The following FMN1 variants were observed in gnomAD, a reference collection of about 807,000 sequenced individuals.
FMN1 encodes the protein formin-1.
A neutral mutation model predicts 132.4 loss-of-function variants in FMN1; 110 were observed. The ratio of observed to expected loss-of-function variants is 0.83; its 90% CI spans 0.71 to 0.97. The LOEUF (loss-of-function observed/expected upper bound fraction) is 0.97. Ranked by LOEUF, FMN1 falls within the 50% of genes least tolerant of loss-of-function variation. The pLI, the probability that FMN1 is intolerant of heterozygous loss-of-function variation, is 0.00. For synonymous variants in FMN1, 722 were observed against 651.7 expected (o/e 1.11, Z -1.64); for missense variants, 1,792 against 1,705.3 (o/e 1.05, Z -0.90).
intron 13 of FMN1, among the ~76,000 whole-genome samples, chr15:32,901,111 G>A (rs1242049654): frequency 1.3e-5 from 2 of 151,990 alleles, no homozygotes; most frequent in African/African-American, 2.4e-5. Context: ...CCGAGATCAC[G>A]CTACTGCACT....
At chr15:33,011,425 G>A (rs1223951844) in intron 6 of FMN1, among the ~76,000 whole-genome samples, 1 of 151,902 alleles carries the variant, frequency 6.6e-6, no homozygotes, top group Non-Finnish European at 1.5e-5. Context: ...AGTCAATTAA[G>A]TGCTAAACTG....
chr15:33,007,915 A>T, intron 7 of FMN1, 99 bp downstream of exon 7: 2 of 988,398 alleles, frequency 2.0e-6, no homozygotes, highest in Non-Finnish European at 1.5e-6. Flanking sequence ...GATGCTGTCT[A>T]GTTTAACACT....
chr15:32,998,229 T>G (rs1265388382), intron 7 of FMN1, among the ~76,000 whole-genome samples: 1 of 152,238 alleles, frequency 6.6e-6, no homozygotes, highest in Non-Finnish European at 1.5e-5. Context: ...TTCCTAATGC[T>G]ACCCCCCAAA....
At chr15:32,970,451 T>C (rs1043465255) in intron 7 of FMN1, among the ~76,000 whole-genome samples, 50 of 152,240 alleles carry the variant, frequency 3.3e-4, no homozygotes, top group African/African-American at 1.2e-3. Flanking sequence ...TCTTTCTATC[T>C]GTATCCCAGC....
At chr15:32,919,504 A>T (rs1415094034) in intron 10 of FMN1, among the ~76,000 whole-genome samples, 4 of 152,246 alleles carry the variant, frequency 2.6e-5, no homozygotes, top group Non-Finnish European at 4.4e-5. Flanking sequence ...TCAGGCTCAT[A>T]AGAACCCAAA....
At chr15:32,808,891 A>G (rs1467124252) in intron 17 of FMN1, among the ~76,000 whole-genome samples, 1 of 142,456 alleles carries the variant, frequency 7.0e-6, no homozygotes, top group Non-Finnish European at 1.5e-5. Flanking sequence ...TTTATGCTCA[A>G]AACTTTAGTG....
intron 4 of FMN1, among the ~76,000 whole-genome samples, chr15:33,102,922 C>T (rs183946236): frequency 5.7e-4 from 86 of 152,078 alleles, no homozygotes; most frequent in African/African-American, 1.8e-3. Flanking sequence ...TAGATGTCTC[C>T]AGTGGTTATT....
intron 6 of FMN1, among the ~76,000 whole-genome samples, chr15:33,040,104 CATTTGCTTTGTCTCAT>C (rs2036361412): frequency 6.6e-6 from 1 of 152,182 alleles, no homozygotes; most frequent in African/African-American, 2.4e-5. Context: ...CCTTGTGTAT[CATTTGCTTTGTCTCAT>C]GTATATCATT....
chr15:33,045,429 T>C (rs1177441620), intron 6 of FMN1, among the ~76,000 whole-genome samples: 1 of 152,204 alleles, frequency 6.6e-6, no homozygotes. Context: ...GGTTTCTGGC[T>C]GTTAAGAAAT....
chr15:32,925,110 T>G (rs2060926157), intron 10 of FMN1, among the ~76,000 whole-genome samples: 1 of 152,164 alleles, frequency 6.6e-6, no homozygotes, highest in Non-Finnish European at 1.5e-5. Flanking sequence ...TATCTAAAAT[T>G]GAGCCAAAGA....
rs1422772636 is a variant in FMN1, at chr15:32,969,076, G to A, written c.2625C>T (p.Ile875=). The part of the protein sequence containing the change: ...QKALPPPPAS[I]PPPPPLPSGL... ...CTGAGGGGAGGGGCGGAGGGGGAGGGATGGATGCGGGAGGCGGAGGCAATG... is the reference window on the plus strand; with the variant it reads ...CTGAGGGGAGGGGCGGAGGGGGAGGAATGGATGCGGGAGGCGGAGGCAATG... The change falls in exon 8 of 21, where the codon ATC becomes ATT. Residue 875 remains isoleucine, a synonymous_variant. Transcript: ENST00000616417. 1 of 1,569,360 alleles carries A rather than the reference G, an allele frequency of 6.4e-7. No homozygotes were observed. Among genetic ancestry groups the A allele is most frequent in the East Asian group, 2.3e-5 (1 of 44,098 alleles).
chr15:32,925,357 A>C (rs1028229030), intron 10 of FMN1, among the ~76,000 whole-genome samples: 1 of 152,260 alleles, frequency 6.6e-6, no homozygotes, highest in Non-Finnish European at 1.5e-5. Context: ...AGAAAACATA[A>C]TAGCATCTAT....
chr15:32,897,379 T>C (rs1567348512), intron 15 of FMN1, among the ~76,000 whole-genome samples: 1 of 152,224 alleles, frequency 6.6e-6, no homozygotes, highest in Admixed American at 6.5e-5. Context: ...CATATATTGG[T>C]AATGTTACTG....
chr15:33,112,267 A>C (rs1175675527), intron 4 of FMN1, among the ~76,000 whole-genome samples: 1 of 146,350 alleles, frequency 6.8e-6, no homozygotes, highest in African/African-American at 2.5e-5. Flanking sequence ...AGAAGTTTGA[A>C]ATAATGTTAG....
chr15:33,002,257 T>C (rs752993853), intron 7 of FMN1, among the ~76,000 whole-genome samples: 3 of 152,206 alleles, frequency 2.0e-5, no homozygotes, highest in Non-Finnish European at 4.4e-5. Context: ...GAAACATATC[T>C]GAATTCTCCA....
chr15:33,082,430 T>C (rs998527522), intron 5 of FMN1, among the ~76,000 whole-genome samples: 2 of 152,154 alleles, frequency 1.3e-5, no homozygotes, highest in Non-Finnish European at 2.9e-5. Context: ...CTGCTTTTCA[T>C]ATCTTTGTTT....
chr15:33,155,153 C>T, intron 3 of FMN1, 108 bp from the exon 4 acceptor site: 1 of 414,106 alleles, frequency 2.4e-6, no homozygotes, highest in East Asian at 4.1e-5. Context: ...CTGTGGCTGA[C>T]CTCAACAACT....
Position 32,969,120 on chromosome 15 carries a change from C to T in FMN1, c.2581G>A (p.Ala861Thr). 1 of 1,613,296 alleles carries T rather than the reference C, an allele frequency of 6.2e-7. No homozygotes were observed. The part of the protein sequence containing the change: ...HAALQPMEGM[A>T]SNQQKALPPP... ...GGCAATGCCTTCTGCTGATTTGATG[C>T]CATGCCCTCCATTGGCTGGAGTGCT... Residue 861 changes from alanine to threonine, a missense_variant, in exon 8 of 21, where the codon GCA becomes ACA. This residue lies in a region of FMN1 where 1,150 missense variants were observed against 1,043.1 expected (regional missense o/e 1.10). Coordinates refer to ENST00000616417, the MANE Select transcript of FMN1 (RefSeq NM_001277313.2).
intron 17 of FMN1, among the ~76,000 whole-genome samples, chr15:32,853,031 G>A (rs1326189847): frequency 2.6e-5 from 4 of 152,156 alleles, no homozygotes; most frequent in Non-Finnish European, 5.9e-5. Flanking sequence ...TAGCCTGTCT[G>A]CTGAGAATTT....
Sources: gnomAD v4.1 joint callset for allele counts (sites outside exome capture counted in the v4.1 genomes callset) on GRCh38, gnomAD v4.1.1 for gene constraint, gnomAD v4.1.1 regional missense constraint, MANE v1.5 for transcripts, NCBI Gene and HGNC (gene_info 2026-07-23, HGNC 2026-07-21) for gene names.